MAX: variants seen among roughly 807,000 people sequenced by gnomAD.
The protein encoded by MAX is protein max.
In MAX, 3 loss-of-function variants were observed where a neutral mutation model predicts 22.3. The observed-to-expected ratio is 0.13, with a 90% CI of 0.06 to 0.35. The LOEUF (loss-of-function observed/expected upper bound fraction) is 0.35, where lower values mean the gene tolerates loss of function less well. MAX is among the 10% of genes least tolerant of loss of function. The pLI is 1.00. For synonymous variants in MAX, 72 were observed against 77.7 expected, an observed-to-expected ratio of 0.93 and a Z score of 0.39; for missense variants, 119 against 209.4, an observed-to-expected ratio of 0.57 and a Z score of 2.66.
At chr14:65,081,554 C>T (rs1766122596) in intron 3 of MAX, among the ~76,000 whole-genome samples, 1 of 152,178 alleles carries the variant, frequency 6.6e-6, no homozygotes, top group South Asian at 2.1e-4. Flanking sequence ...TGGAATAACC[C>T]TGGACTTTCA....
At chr14:65,016,278 T>A (rs1595026360) in intron 3 of MAX, among the ~76,000 whole-genome samples, 1 of 152,310 alleles carries the variant, frequency 6.6e-6, no homozygotes, top group South Asian at 2.1e-4. Context: ...CTTCCCAAGA[T>A]CCTTGTACAG....
intron 1 of MAX, 77 bp downstream of exon 1, chr14:65,102,227 C>T: frequency 6.3e-7 from 1 of 1,594,806 alleles, no homozygotes. Flanking sequence ...CCCCCTCCCG[C>T]CGTCGCCCCG....
chr14:65,090,290 G>A (rs1157722068), intron 3 of MAX: 8 of 152,250 alleles, frequency 5.3e-5, no homozygotes, highest in African/African-American at 1.9e-4. Flanking sequence ...ATAGGAAAAA[G>A]ATGGAACTTG....
chr14:65,010,244 G>C (rs2061662448), intron 3 of MAX, among the ~76,000 whole-genome samples: 1 of 152,020 alleles, frequency 6.6e-6, no homozygotes, highest in African/African-American at 2.4e-5. Flanking sequence ...TCCTTCACTG[G>C]CTCCTCCAAA....
At position 65,084,126 on chromosome 14, in the gene MAX, C is replaced by G; in HGVS notation, c.172-6090G>C. 1 of 1,608,298 alleles carries G rather than the reference C, an allele frequency of 6.2e-7. No individual in the cohort carries two copies. Among genetic ancestry groups the G allele is most frequent in the Non-Finnish European group, 8.5e-7 (1 of 1,176,388 alleles). On this transcript the variant is annotated intron_variant, in intron 3 of 4. Coordinates refer to ENST00000358664, the MANE Select transcript of MAX (RefSeq NM_002382.5). This position sits in a 1 kb window ranked among gnomAD's most constrained non-coding sequence, Gnocchi z 4.3. ...GGCAGAGCTATCAGCCCTCAAGCAGCTTAATTAAAGCCAGGAGTAAGACAT... is the reference window on the plus strand; with the variant it reads ...GGCAGAGCTATCAGCCCTCAAGCAGGTTAATTAAAGCCAGGAGTAAGACAT...
At chr14:65,025,917 T>A (rs1566551422) in intron 3 of MAX, among the ~76,000 whole-genome samples, 1 of 152,234 alleles carries the variant, frequency 6.6e-6, no homozygotes, top group African/African-American at 2.4e-5. Flanking sequence ...AAGAAGTATG[T>A]GTTGTTTTAA....
At chr14:65,056,177 T>G (rs1024790584) in intron 3 of MAX, among the ~76,000 whole-genome samples, 2 of 152,244 alleles carry the variant, frequency 1.3e-5, no homozygotes, top group African/African-American at 4.8e-5. Flanking sequence ...CCAGTCATTC[T>G]GCATTGCTTT....
At chr14:65,059,724 T>C (rs1259501129) in intron 3 of MAX, among the ~76,000 whole-genome samples, 1 of 152,110 alleles carries the variant, frequency 6.6e-6, no homozygotes, top group Non-Finnish European at 1.5e-5. Flanking sequence ...TTTGGGTTTC[T>C]GTGATGTACT....
rs149815249 is a variant in MAX at position 65,014,691 on chromosome 14, G to C, written c.172-8407C>G. ...TAGCCAGGCATAGTGGTGTGTGCCC[G>C]TAGTCCCAGCTACTTAGGAGGCTGA... On this transcript the variant is annotated intron_variant, in intron 3 of 3. Transcript: ENST00000341653. This position sits in a 1 kb window ranked among gnomAD's most constrained non-coding sequence, Gnocchi z 5.1. Among the ~76,000 whole-genome samples, 1,397 of 152,238 alleles carry C rather than the reference G, an allele frequency of 9.2e-3. 22 individuals are homozygous for C. The highest frequency in any genetic ancestry group is 0.031 in the African/African-American group (1,294 of 41,542).
Position 65,027,930 on chromosome 14 carries a change from C to G in MAX, c.172-21646G>C. On this transcript the variant is annotated intron_variant, in intron 3 of 3. Transcript: ENST00000341653. The surrounding 1 kb of genome is among the most constrained non-coding windows in gnomAD (Gnocchi z 5.7). ...TGACATGTCAGTGACACGTCAGAATCATTCAGATGTGATGCAGATGTCCTC... is the reference window on the plus strand; with the variant it reads ...TGACATGTCAGTGACACGTCAGAATGATTCAGATGTGATGCAGATGTCCTC... The G allele has an allele frequency of 1.0e-6, 1 of 971,900 alleles. No homozygotes were observed. Among genetic ancestry groups the G allele is most frequent in the Non-Finnish European group, 1.5e-6 (1 of 651,854 alleles). The allele number at this position is 971,900 out of a possible 1,614,324, so 60.2% of individuals were successfully genotyped here.
chr14:65,055,112 A>G (rs1193866880), intron 3 of MAX, among the ~76,000 whole-genome samples: 4 of 152,230 alleles, frequency 2.6e-5, no homozygotes, highest in African/African-American at 9.6e-5. Context: ...CTCTTCAGAG[A>G]ATGAGATCCC....
In MAX at chr14:65,077,487, G is replaced by C. The variant is rs2063090632; in HGVS notation, c.295+426C>G. 2 of 1,171,436 alleles carry C rather than the reference G, an allele frequency of 1.7e-6. No homozygotes were observed. The allele number at this position is 1,171,436 out of a possible 1,614,324, so 72.6% of individuals were successfully genotyped here. The stretch of plus-strand genomic sequence containing the variant: ...GAGAACAGCATGGGCCTAGCCCATA[G>C]GCTGCCCTGATTGGACTACCATTGA... On this transcript the variant is annotated intron_variant, in intron 4 of 4. Coordinates refer to ENST00000358664, the MANE Select transcript of MAX (RefSeq NM_002382.5). The surrounding 1 kb of genome is among the most constrained non-coding windows in gnomAD (Gnocchi z 6.3).
Position 65,044,390 on chromosome 14 carries a change from CCTT to C in MAX, c.172-38109_172-38107del. 1 of 1,613,154 alleles carries C rather than the reference CCTT, an allele frequency of 6.2e-7. No individual in the cohort carries two copies. ...AACAAGCTGGTGGATGGCTGCTACT[CCTT>C]CTGGCAGGCGGGGCTCCTGCCCCTG... On this transcript the variant is annotated intron_variant, in intron 3 of 3. Coordinates refer to the MAX transcript ENST00000341653. This position sits in a 1 kb window ranked among gnomAD's most constrained non-coding sequence, Gnocchi z 5.5.
rs2063660332 is a variant in MAX, at chr14:65,096,024, G to A, written c.64-2209C>T. 2.6e-5 allele frequency among the ~76,000 whole-genome samples: 4 copies of A among 152,180 alleles called. No homozygotes were observed. The South Asian group carries it at 8.3e-4, about 32-fold the overall frequency. Reference sequence around the variant, plus strand: ...CTCAAATGGACAAGTCTCTCGGTTGGAGGATTGTAAGTGAACTTGGCTGTA... The same window carrying A: ...CTCAAATGGACAAGTCTCTCGGTTGAAGGATTGTAAGTGAACTTGGCTGTA... On this transcript the variant is annotated intron_variant, in intron 2 of 4. Transcript: ENST00000358664.
downstream of MAX, among the ~76,000 whole-genome samples, chr14:65,070,533 C>T (rs570688760): frequency 7.9e-5 from 12 of 152,298 alleles, no homozygotes; most frequent in African/African-American, 2.6e-4. The surrounding 1 kb of genome is among the most constrained non-coding windows in gnomAD (Gnocchi z 4.4). Context: ...TAGCACAGGG[C>T]GCAGGAGGGG....
chr14:65,075,751 C>T lies in MAX; in HGVS notation c.*725G>A. 1 of 1,066,450 alleles carries T rather than the reference C, an allele frequency of 9.4e-7. No individual in the cohort carries two copies. The highest frequency in any genetic ancestry group is 1.1e-6 in the Non-Finnish European group (1 of 879,796). The allele number at this position is 1,066,450 out of a possible 1,614,324, so 66.1% of individuals were successfully genotyped here. ...CCACTCCCTGGTGGCTGCTGCTTCACTGCTGCCATCTCCCATACATACCAC... is the reference window on the plus strand; with the variant it reads ...CCACTCCCTGGTGGCTGCTGCTTCATTGCTGCCATCTCCCATACATACCAC... On this transcript the variant is annotated 3_prime_UTR_variant, in exon 5 of 5. Transcript: ENST00000358664. This position sits in a 1 kb window ranked among gnomAD's most constrained non-coding sequence, Gnocchi z 4.1.
downstream of MAX, among the ~76,000 whole-genome samples, chr14:65,072,811 T>A (rs1391115075): frequency 1.3e-5 from 2 of 152,196 alleles, no homozygotes; most frequent in Non-Finnish European, 2.9e-5. Context: ...TGACACCAGA[T>A]CTAATTAATG....
In MAX at chr14:65,076,341, A is replaced by C; in HGVS notation, c.*135T>G. 6.5e-7 allele frequency: 1 copy of C among 1,536,712 alleles called. No homozygotes were observed. The highest frequency in any genetic ancestry group is 8.7e-7 in the Non-Finnish European group (1 of 1,146,850). On this transcript the variant is annotated 3_prime_UTR_variant, in exon 5 of 5. Coordinates refer to ENST00000358664, the MANE Select transcript of MAX (RefSeq NM_002382.5). This position sits in a 1 kb window ranked among gnomAD's most constrained non-coding sequence, Gnocchi z 6.6. ...GTCCAAGAGCTTCTACGTAAAAATA[A>C]AAATTTAAAAAAAAAAGGGAGAAAG...
At position 65,093,450 on chromosome 14, in the gene MAX, T is replaced by G; in HGVS notation, c.171+258A>C. 2.0e-6 allele frequency: 1 copy of G among 490,138 alleles called. No individual in the cohort carries two copies. The highest frequency in any genetic ancestry group is 3.7e-6 in the Non-Finnish European group (1 of 268,910). The allele number at this position is 490,138 out of a possible 1,614,324, so 30.4% of individuals were successfully genotyped here. A position where few individuals can be genotyped will look rare whatever the true frequency, so the allele number is the denominator to read the frequency against. On this transcript the variant is annotated intron_variant, in intron 3 of 4. Coordinates refer to ENST00000358664, the MANE Select transcript of MAX (RefSeq NM_002382.5). This position sits in a 1 kb window ranked among gnomAD's most constrained non-coding sequence, Gnocchi z 4.4. ...TATAGTTATAATTTCTTGAATTTAT[T>G]ACAAATAATACAAATTTTAAAAGAT... is the stretch of plus-strand genomic sequence containing the variant.
Sources: gnomAD v4.1 joint callset for allele counts (sites outside exome capture counted in the v4.1 genomes callset) on GRCh38, gnomAD v4.1.1 for gene constraint, Gnocchi (gnomAD v3.1) non-coding constraint, MANE v1.5 for transcripts, NCBI Gene and HGNC (gene_info 2026-07-23, HGNC 2026-07-21) for gene names.